HHIPL1: variants seen among roughly 807,000 people sequenced by gnomAD.
The protein encoded by HHIPL1 is HHIP like 1.
Under a neutral mutation model 61.8 loss-of-function variants are expected in HHIPL1, and 43 were observed. That is an observed-to-expected ratio of 0.70 (90% CI 0.55 to 0.90). The LOEUF (loss-of-function observed/expected upper bound fraction) is 0.90, where lower values mean the gene tolerates loss of function less well. Ranked by LOEUF, HHIPL1 falls within the 40% of genes least tolerant of loss-of-function variation. HHIPL1 has a pLI of 0.00. For synonymous variants in HHIPL1, 482 were observed against 515.8 expected (o/e 0.93, Z 0.89); for missense variants, 1,056 against 1,157.7 (o/e 0.91, Z 1.28).
At chr14:99,644,981 T>C, upstream of HHIPL1, 1 of 382,340 alleles carries the variant, frequency 2.6e-6, no homozygotes, top group Non-Finnish European at 4.6e-6. Context: ...CCCATCGAAT[T>C]TGGAAAGCGG....
the HHIPL1 span, among the ~76,000 whole-genome samples, chr14:99,631,011 G>A: frequency 1.3e-5 from 2 of 151,828 alleles, no homozygotes; most frequent in African/African-American, 4.8e-5. Flanking sequence ...GCACTCTAAT[G>A]ACCTCAGCTT....
At chr14:99,623,811 G>A in the HHIPL1 span, among the ~76,000 whole-genome samples, 1 of 152,132 alleles carries the variant, frequency 6.6e-6, no homozygotes, top group Admixed American at 6.5e-5. Flanking sequence ...GTGATTTGAG[G>A]AGCTCAGAGA....
chr14:99,673,283 C>T (rs1183129016), intron 8 of HHIPL1, among the ~76,000 whole-genome samples: 1 of 151,778 alleles, frequency 6.6e-6, no homozygotes, highest in East Asian at 2.0e-4. Context: ...CAGTTGGTTT[C>T]AGGGCTTGGT....
the HHIPL1 span, among the ~76,000 whole-genome samples, chr14:99,626,290 G>GTA: frequency 8.0e-3 from 1,225 of 152,198 alleles, 14 homozygotes; most frequent in African/African-American, 0.027. Flanking sequence ...GTGTGTGTGT[G>GTA]TATGCATGTG....
chr14:99,632,474 CT>C, the HHIPL1 span, among the ~76,000 whole-genome samples: 329 of 152,312 alleles, frequency 2.2e-3, 1 homozygote, highest in African/African-American at 7.7e-3. Flanking sequence ...ACATCCAGTC[CT>C]CATCCCATCC....
At chr14:99,640,792 A>T (rs1402230119), upstream of HHIPL1, among the ~76,000 whole-genome samples, 1 of 148,150 alleles carries the variant, frequency 6.7e-6, no homozygotes. Context: ...CATTTCACCC[A>T]TCCATGTGCT....
At chr14:99,644,569 G>A (rs1022978555), upstream of HHIPL1, among the ~76,000 whole-genome samples, 3 of 152,144 alleles carry the variant, frequency 2.0e-5, no homozygotes, top group Non-Finnish European at 2.9e-5. Context: ...CTATGCGAGA[G>A]TGGAAGTGGG....
Position 99,664,892 on chromosome 14 carries a change from G to A in HHIPL1, c.1648+1871G>A, listed in dbSNP as rs146914979. On this transcript the variant is annotated intron_variant, in intron 6 of 8. Coordinates refer to ENST00000330710, the MANE Select transcript of HHIPL1 (RefSeq NM_001127258.3). ...TTGGAATGAAGACCCAAAGATACAG[G>A]GGAAATTGTCCATTTTTTTTTTCTT... Among the ~76,000 whole-genome samples, 43 of 151,624 alleles carry A rather than the reference G, an allele frequency of 2.8e-4. No individual in the cohort carries two copies. The East Asian group carries it at 5.9e-3, about 21-fold the overall frequency.
chr14:99,663,506 G>A (rs553499410), intron 6 of HHIPL1, among the ~76,000 whole-genome samples: 2 of 152,286 alleles, frequency 1.3e-5, no homozygotes, highest in South Asian at 4.2e-4. Flanking sequence ...CTTGGTTGTG[G>A]TGGGTTTTAG....
chr14:99,634,956 C>T, the HHIPL1 span, among the ~76,000 whole-genome samples: 1 of 152,218 alleles, frequency 6.6e-6, no homozygotes, highest in Non-Finnish European at 1.5e-5. Flanking sequence ...CCTTCACCCA[C>T]GCCGCCTGTC....
intron 7 of HHIPL1, among the ~76,000 whole-genome samples, chr14:99,670,406 CCA>C (rs1310749831): frequency 6.6e-6 from 1 of 152,218 alleles, no homozygotes; most frequent in Non-Finnish European, 1.5e-5. Context: ...GCCCCCACGC[CCA>C]GACTCCACAC....
At position 99,675,799 on chromosome 14, in the gene HHIPL1, C is replaced by A. The variant is rs758026432; in HGVS notation, c.*173C>A. The A allele has an allele frequency of 6.1e-5, 36 of 592,838 alleles. No individual in the cohort carries two copies. The highest frequency in any genetic ancestry group is 8.2e-5 in the Non-Finnish European group (30 of 365,704). 36.7% of individuals were successfully genotyped at this position (592,838 alleles called of 1,614,324 possible). On this transcript the variant is annotated 3_prime_UTR_variant, in exon 9 of 9. Coordinates refer to ENST00000330710, the MANE Select transcript of HHIPL1 (RefSeq NM_001127258.3). This position sits in a 1 kb window ranked among gnomAD's most constrained non-coding sequence, Gnocchi z 5.4. Reference sequence around the variant, plus strand: ...CAGTGCATGTGTGTCCTCTGCAGACCCAAGGCAGGAGTGTGTGTTGGGGGC... The same window carrying A: ...CAGTGCATGTGTGTCCTCTGCAGACACAAGGCAGGAGTGTGTGTTGGGGGC...
rs969918524 is a variant in HHIPL1 at position 99,680,374 on chromosome 14, T to A, written c.*4748T>A. 1 of 152,206 alleles carries A rather than the reference T, an allele frequency of 6.6e-6. No homozygotes were observed. The highest frequency in any genetic ancestry group is 2.4e-5 in the African/African-American group (1 of 41,434). 9.4% of individuals were successfully genotyped at this position (152,206 alleles called of 1,614,324 possible). A position where few individuals can be genotyped will look rare whatever the true frequency, so the allele number is the denominator to read the frequency against. On this transcript the variant is annotated 3_prime_UTR_variant, in exon 9 of 9. Transcript: ENST00000330710. The stretch of plus-strand genomic sequence containing the variant: ...TTAAAACACAGGTTGCTGGGTCCTG[T>A]CTCTCAGAGTTTTTGACTCAGTCTT...
chr14:99,606,668 T>C, the HHIPL1 span, among the ~76,000 whole-genome samples: 1 of 152,238 alleles, frequency 6.6e-6, no homozygotes, highest in Non-Finnish European at 1.5e-5. Flanking sequence ...TTGCGTCATC[T>C]ACAGGCTGTG....
chr14:99,641,667 G>C (rs557568334), upstream of HHIPL1, among the ~76,000 whole-genome samples: 10 of 151,970 alleles, frequency 6.6e-5, no homozygotes, highest in South Asian at 1.9e-3. Flanking sequence ...ACCTGCCTCA[G>C]CCTCTCAAAG....
the HHIPL1 span, among the ~76,000 whole-genome samples, chr14:99,632,395 G>T: frequency 6.6e-6 from 1 of 152,166 alleles, no homozygotes; most frequent in Non-Finnish European, 1.5e-5. Context: ...CTGAAACCCT[G>T]TTTCTGTGGG....
chr14:99,626,748 G>C, the HHIPL1 span, among the ~76,000 whole-genome samples: 3 of 152,216 alleles, frequency 2.0e-5, no homozygotes, highest in Non-Finnish European at 4.4e-5. Flanking sequence ...CTATGCCTAG[G>C]TGACACAACA....
chr14:99,656,832 AAAGAAAGG>A (rs1349955848), intron 2 of HHIPL1, among the ~76,000 whole-genome samples, 160 bp from the exon 3 acceptor site: 12 of 8,596 alleles, frequency 1.4e-3, no homozygotes, highest in African/African-American at 1.9e-3. Flanking sequence ...AGAAAGAAAG[AAAGAAAGG>A]AAGGAAGGAA....
chr14:99,648,690 C>T (rs1285850729), intron 1 of HHIPL1, among the ~76,000 whole-genome samples: 1 of 152,114 alleles, frequency 6.6e-6, no homozygotes, highest in Non-Finnish European at 1.5e-5. Context: ...TCCATAAGGG[C>T]CAGGGATGGG....
Sources: allele counts gnomAD v4.1 joint callset (sites outside exome capture counted in the v4.1 genomes callset), GRCh38; gene constraint gnomAD v4.1.1; non-coding constraint Gnocchi (gnomAD v3.1); transcripts MANE v1.5; gene names NCBI Gene and HGNC (gene_info 2026-07-23, HGNC 2026-07-21).